SDHAF3: variants seen among roughly 807,000 people sequenced by gnomAD.
SDHAF3 encodes the protein succinate dehydrogenase assembly factor 3, mitochondrial.
SDHAF3 carries 18 observed loss-of-function variants against 11.5 expected under a neutral mutation model. That is an observed-to-expected ratio of 1.56 (90% confidence interval 1.08 to 2.32). SDHAF3 has a LOEUF of 2.32. SDHAF3 is among the 30% of genes most tolerant of loss of function. The probability of loss-of-function intolerance (pLI) is 0.00; values close to 1 mark genes in which losing one functional copy is unlikely to be tolerated. For missense variants in SDHAF3, 200 were observed against 154.4 expected, an observed-to-expected ratio of 1.30 and a Z score of -1.57; for synonymous variants, 72 against 59.3, an observed-to-expected ratio of 1.21 and a Z score of -0.99.
At position 97,118,339 on chromosome 7, in the gene SDHAF3, A is replaced by T. The variant is rs560414960; in HGVS notation, c.174+442A>T. On this transcript the variant is annotated intron_variant, in intron 1 of 1. Transcript: ENST00000432641. ...AATCTCAGCGCTTTTGGTTGGGTTT[A>T]AATAATTTTCTCACTTGGCTGATAC... is the stretch of plus-strand genomic sequence containing the variant. Among the ~76,000 whole-genome samples, 5 of 152,328 alleles carry T rather than the reference A, an allele frequency of 3.3e-5. No homozygotes were observed. In the South Asian group the frequency reaches 1.0e-3, roughly 32 times the overall value.
chr7:97,169,794 G>A (rs984613617), intron 1 of SDHAF3, among the ~76,000 whole-genome samples: 4 of 151,960 alleles, frequency 2.6e-5, no homozygotes, highest in Non-Finnish European at 4.4e-5. Context: ...TAATGTCTGC[G>A]AGTGAAATTT....
chr7:97,138,007 G>C (rs1168767600), intron 1 of SDHAF3, among the ~76,000 whole-genome samples: 1 of 151,174 alleles, frequency 6.6e-6, no homozygotes, highest in Non-Finnish European at 1.5e-5. Context: ...TGAGTAGCTG[G>C]GATTACAGGC....
intron 1 of SDHAF3, among the ~76,000 whole-genome samples, chr7:97,169,780 T>C (rs1227536527): frequency 1.3e-5 from 2 of 152,108 alleles, no homozygotes; most frequent in Admixed American, 6.5e-5. Flanking sequence ...ACTCTTTATG[T>C]TTTTAATGTC....
chr7:97,125,287 T>C (rs1198964309), intron 1 of SDHAF3, among the ~76,000 whole-genome samples: 1 of 152,216 alleles, frequency 6.6e-6, no homozygotes, highest in Admixed American at 6.5e-5. Context: ...TTGTTTGCTC[T>C]TGTTTGCCTA....
chr7:97,158,077 G>GT (rs1789331011), intron 1 of SDHAF3, among the ~76,000 whole-genome samples: 1 of 151,872 alleles, frequency 6.6e-6, no homozygotes, highest in Admixed American at 6.5e-5. Context: ...CATGGCACAT[G>GT]TATACATATG....
intron 1 of SDHAF3, among the ~76,000 whole-genome samples, chr7:97,121,119 G>C (rs1791485143): frequency 6.6e-6 from 1 of 152,172 alleles, no homozygotes; most frequent in Non-Finnish European, 1.5e-5. Flanking sequence ...AATGTGCATT[G>C]TAATCTCAAC....
intron 1 of SDHAF3, among the ~76,000 whole-genome samples, chr7:97,131,446 A>C (rs1174934102): frequency 1.3e-5 from 2 of 152,186 alleles, no homozygotes; most frequent in African/African-American, 4.8e-5. Context: ...ATGAGAATGG[A>C]AATTGCTGGG....
At chr7:97,125,215 A>T (rs1467199878) in intron 1 of SDHAF3, among the ~76,000 whole-genome samples, 31 of 151,864 alleles carry the variant, frequency 2.0e-4, no homozygotes, top group Admixed American at 2.0e-3. Context: ...AGGGTTTTTC[A>T]TGTCTCTCCT....
chr7:97,150,828 C>T (rs573355282), intron 1 of SDHAF3, among the ~76,000 whole-genome samples: 2 of 152,120 alleles, frequency 1.3e-5, no homozygotes, highest in East Asian at 3.9e-4. Context: ...TCCCAAAGTG[C>T]TGGGATTACA....
At chr7:97,176,909 T>A (rs1396589844) in intron 1 of SDHAF3, among the ~76,000 whole-genome samples, 1 of 152,186 alleles carries the variant, frequency 6.6e-6, no homozygotes, top group East Asian at 1.9e-4. Context: ...TTCACTTTTT[T>A]AAAGTAAATA....
At chr7:97,141,246 A>C (rs1789033143) in intron 1 of SDHAF3, among the ~76,000 whole-genome samples, 2 of 151,946 alleles carry the variant, frequency 1.3e-5, no homozygotes, top group Non-Finnish European at 2.9e-5. Flanking sequence ...AGCAATTTTA[A>C]TTTCACCCCA....
At chr7:97,175,537 G>T (rs925961521) in intron 1 of SDHAF3, among the ~76,000 whole-genome samples, 2 of 152,162 alleles carry the variant, frequency 1.3e-5, no homozygotes, top group African/African-American at 4.8e-5. Flanking sequence ...CAGTCCTCTT[G>T]CCTTGGCCTC....
chr7:97,122,357 A>G (rs1433536029), intron 1 of SDHAF3, among the ~76,000 whole-genome samples: 2 of 152,334 alleles, frequency 1.3e-5, no homozygotes, highest in East Asian at 3.9e-4. Context: ...AGATCATGTT[A>G]GCAGCAATAT....
At position 97,118,008 on chromosome 7, in the gene SDHAF3, T is replaced by C; in HGVS notation, c.174+111T>C. 6.1e-6 allele frequency: 8 copies of C among 1,305,480 alleles called. No individual in the cohort carries two copies. The South Asian group carries it at 1.1e-4, about 18-fold the overall frequency. 80.9% of individuals were successfully genotyped at this position (1,305,480 alleles called of 1,614,324 possible). A position where few individuals can be genotyped will look rare whatever the true frequency, so the allele number is the denominator to read the frequency against. On this transcript the variant is annotated intron_variant, in intron 1 of 1. Transcript: ENST00000432641. ...AAACAGAGCAGCAACCTGTTCTGTT[T>C]GAAATAGCGTAATGCTGTTCAGGTA...
At chr7:97,126,019 G>A (rs1791567931) in intron 1 of SDHAF3, among the ~76,000 whole-genome samples, 1 of 152,180 alleles carries the variant, frequency 6.6e-6, no homozygotes, top group Non-Finnish European at 1.5e-5. Context: ...TGCTGTTCAT[G>A]TTGCTGCTTT....
intron 1 of SDHAF3, 135 bp from the exon 2 acceptor site, chr7:97,180,873 ATATT>A (rs1789760353): frequency 4.3e-6 from 3 of 697,222 alleles, no homozygotes; most frequent in Non-Finnish European, 4.7e-6. Flanking sequence ...CTTCACAACT[ATATT>A]TATATCTCCT....
At chr7:97,122,176 C>T (rs763098197) in intron 1 of SDHAF3, among the ~76,000 whole-genome samples, 6 of 152,062 alleles carry the variant, frequency 3.9e-5, no homozygotes, top group African/African-American at 7.2e-5. Flanking sequence ...GACTTTTTTC[C>T]AGGAACTGCA....
rs567556080 is a variant in SDHAF3 at position 97,172,428 on chromosome 7, T to G, written c.175-8584T>G. On this transcript the variant is annotated intron_variant, in intron 1 of 1. Transcript: ENST00000432641. ...GAGTCCTCAACTCTCCAAAATCCAT[T>G]GTTTTCTTGGTTCTTGTCTTTCTGT... Among the ~76,000 whole-genome samples the G allele has an allele frequency of 2.6e-4, 39 of 152,280 alleles. 1 individual carries two copies. The highest frequency in any genetic ancestry group is 8.4e-4 in the African/African-American group (35 of 41,576).
rs192500314 is a variant in SDHAF3 at position 97,130,868 on chromosome 7, T to C, written c.174+12971T>C. ...TTTATGGGCTCAGAATGGAGGAGTGTATGCTGATTGGTCCATGGGCAGGCC... is the reference window on the plus strand; with the variant it reads ...TTTATGGGCTCAGAATGGAGGAGTGCATGCTGATTGGTCCATGGGCAGGCC... On this transcript the variant is annotated intron_variant, in intron 1 of 1. Coordinates refer to ENST00000432641, the MANE Select transcript of SDHAF3 (RefSeq NM_020186.3). 7.9e-5 allele frequency among the ~76,000 whole-genome samples: 12 copies of C among 152,304 alleles called. No homozygotes were observed. The East Asian group carries it at 2.3e-3, about 29-fold the overall frequency.
Sources: gnomAD v4.1 joint callset for allele counts (sites outside exome capture counted in the v4.1 genomes callset) on GRCh38, gnomAD v4.1.1 for gene constraint, MANE v1.5 for transcripts, NCBI Gene and HGNC (gene_info 2026-07-23, HGNC 2026-07-21) for gene names.